Variants in SDK1 observed in about 807,000 individuals in gnomAD.
SDK1 encodes the protein protein sidekick-1.
A neutral mutation model predicts 245.5 loss-of-function variants in SDK1; 157 were observed. The observed-to-expected ratio is 0.64, with a 90% CI of 0.56 to 0.73. SDK1 has a LOEUF of 0.73. Among genes scored for constraint, SDK1 ranks in the 30% least tolerant of loss-of-function variants. The probability of loss-of-function intolerance (pLI) is 0.00; values close to 1 mark genes in which losing one functional copy is unlikely to be tolerated. For missense variants in SDK1, 3,583 were observed against 3,002.3 expected, an observed-to-expected ratio of 1.19 and a Z score of -4.52; for synonymous variants, 1,647 against 1,278.5, an observed-to-expected ratio of 1.29 and a Z score of -6.15.
At chr7:3,573,752 G>A (rs1464345694) in intron 1 of SDK1, among the ~76,000 whole-genome samples, 1 of 151,986 alleles carries the variant, frequency 6.6e-6, no homozygotes, top group East Asian at 1.9e-4. Flanking sequence ...TGGCTGATGT[G>A]GCCACATAAC....
At chr7:3,323,318 A>T (rs2128548211) in intron 1 of SDK1, among the ~76,000 whole-genome samples, 1 of 152,330 alleles carries the variant, frequency 6.6e-6, no homozygotes. Context: ...GTTTGAGTGA[A>T]TGAATATGTT....
intron 22 of SDK1, among the ~76,000 whole-genome samples, chr7:4,107,125 T>TGGGGAGGGTGGGGAGGGTGGGGAGGGG (rs1782979859): frequency 7.6e-4 from 3 of 3,930 alleles, no homozygotes; most frequent in Admixed American, 2.5e-3. Flanking sequence ...GTGGGGAGGG[T>TGGGGAGGGTGGGGAGGGTGGGGAGGGG]GGGGAGGGTG....
At chr7:3,973,824 A>C (rs951066209) in intron 12 of SDK1, among the ~76,000 whole-genome samples, 1 of 152,078 alleles carries the variant, frequency 6.6e-6, no homozygotes, top group Non-Finnish European at 1.5e-5. Flanking sequence ...TTGTATTATG[A>C]CCAAGATTTC....
chr7:3,728,451 C>T (rs978966374), intron 4 of SDK1, among the ~76,000 whole-genome samples: 1 of 152,170 alleles, frequency 6.6e-6, no homozygotes, highest in Non-Finnish European at 1.5e-5. Flanking sequence ...GAGTGACTCC[C>T]TCTGTGATTC....
chr7:3,592,537 G>T (rs1780911617), intron 1 of SDK1, among the ~76,000 whole-genome samples: 1 of 152,128 alleles, frequency 6.6e-6, no homozygotes, highest in African/African-American at 2.4e-5. Flanking sequence ...GTGTATTGCT[G>T]CTGATGAATT....
At chr7:3,798,211 CTTTTTTTTTTTTTTT>C (rs71029699) in intron 4 of SDK1, among the ~76,000 whole-genome samples, 2 of 53,612 alleles carry the variant, frequency 3.7e-5, no homozygotes, top group Non-Finnish European at 6.8e-5. Flanking sequence ...CCTTGGCACT[CTTTTTTTTTTTTTTT>C]TTTTTTTTTG....
chr7:3,549,044 C>T (rs1562555504), intron 1 of SDK1, among the ~76,000 whole-genome samples: 1 of 152,220 alleles, frequency 6.6e-6, no homozygotes, highest in Non-Finnish European at 1.5e-5. Flanking sequence ...AGAGCTGCAT[C>T]CCTGGGAAGA....
rs118064743 is a variant in SDK1 at position 3,303,508 on chromosome 7, C to T, written c.298+1624C>T. ...ACTTTGAAGGTTGTGTAAAGCATTG[C>T]ATTTTAACAACTGAAATGTTAATGA... is the stretch of plus-strand genomic sequence containing the variant. On this transcript the variant is annotated intron_variant, in intron 1 of 44. Coordinates refer to ENST00000404826, the MANE Select transcript of SDK1 (RefSeq NM_152744.4). Among the ~76,000 whole-genome samples the T allele has an allele frequency of 7.8e-3, 1,194 of 152,196 alleles. 6 individuals carry two copies. The highest frequency in any genetic ancestry group is 0.061 in the Middle Eastern group (18 of 294).
At chr7:3,682,130 C>T (rs780910776) in intron 4 of SDK1, among the ~76,000 whole-genome samples, 2 of 152,190 alleles carry the variant, frequency 1.3e-5, no homozygotes, top group African/African-American at 4.8e-5. Flanking sequence ...CTAAAAATTA[C>T]ACATCAGCAT....
intron 4 of SDK1, among the ~76,000 whole-genome samples, chr7:3,741,574 T>C (rs1386075153): frequency 6.6e-6 from 1 of 152,236 alleles, no homozygotes; most frequent in Non-Finnish European, 1.5e-5. Flanking sequence ...TAATTAACTT[T>C]AATACTACAG....
chr7:3,594,944 T>A (rs1033910797), intron 1 of SDK1, among the ~76,000 whole-genome samples: 1 of 152,240 alleles, frequency 6.6e-6, no homozygotes, highest in Admixed American at 6.5e-5. Context: ...TTACTGTTTT[T>A]CTAGTAGGTT....
intron 1 of SDK1, among the ~76,000 whole-genome samples, chr7:3,455,349 T>G (rs996922342): frequency 6.6e-6 from 1 of 151,914 alleles, no homozygotes; most frequent in Non-Finnish European, 1.5e-5. Flanking sequence ...AAGAACTCTT[T>G]ACCTACCATT....
intron 1 of SDK1, among the ~76,000 whole-genome samples, chr7:3,552,659 C>T (rs181221770): frequency 6.6e-6 from 1 of 152,156 alleles, no homozygotes; most frequent in Non-Finnish European, 1.5e-5. Flanking sequence ...TAAGATCTTA[C>T]CTTATTCATG....
chr7:3,512,298 C>G (rs779165073), intron 1 of SDK1, among the ~76,000 whole-genome samples: 2 of 152,102 alleles, frequency 1.3e-5, no homozygotes, highest in Admixed American at 6.5e-5. Context: ...TGTTTGATAA[C>G]TCACTTGTTT....
chr7:3,597,717 A>C (rs746621836), intron 1 of SDK1, among the ~76,000 whole-genome samples: 2 of 152,160 alleles, frequency 1.3e-5, no homozygotes, highest in African/African-American at 4.8e-5. Flanking sequence ...GTGCAGTGCA[A>C]TGGCCTCCCA....
At chr7:3,414,877 G>T (rs1779318245) in intron 1 of SDK1, among the ~76,000 whole-genome samples, 1 of 152,120 alleles carries the variant, frequency 6.6e-6, no homozygotes, top group Admixed American at 6.5e-5. Flanking sequence ...ACATTTTAAA[G>T]ATGCATCCAT....
chr7:4,114,815 A>G (rs572584702), intron 25 of SDK1, among the ~76,000 whole-genome samples: 2 of 152,280 alleles, frequency 1.3e-5, no homozygotes, highest in South Asian at 2.1e-4. Flanking sequence ...CTGTGGGACT[A>G]ATCTCCTTCT....
chr7:3,642,101 A>C lies in SDK1; in HGVS notation c.709A>C (p.Arg237=). Residue 237 remains arginine, a synonymous_variant, in exon 4 of 45, where the codon AGA becomes CGA. Transcript: ENST00000404826. ...REGHKIIPSN[R]IAITLENQLV... ...AGGGCACAAGATTATTCCAAGCAAC[A>C]GAATGTAAGTTGCTCCAAACGTTAA... 6.2e-7 allele frequency: 1 copy of C among 1,613,880 alleles called. No individual in the cohort carries two copies. The highest frequency in any genetic ancestry group is 8.5e-7 in the Non-Finnish European group (1 of 1,179,832).
chr7:3,709,934 G>T (rs2880090), intron 4 of SDK1, among the ~76,000 whole-genome samples: 40 of 152,314 alleles, frequency 2.6e-4, no homozygotes, highest in Admixed American at 5.2e-4. Context: ...AGCAAAGCAC[G>T]TGCCAGGTGC....
Sources: allele counts gnomAD v4.1 joint callset (sites outside exome capture counted in the v4.1 genomes callset), GRCh38; gene constraint gnomAD v4.1.1; transcripts MANE v1.5; gene names NCBI Gene and HGNC (gene_info 2026-07-23, HGNC 2026-07-21).